The following DNER variants were observed in gnomAD, a reference collection of about 807,000 sequenced individuals.
DNER encodes delta/notch like EGF repeat containing, also known as delta and Notch-like epidermal growth factor-related receptor.
In DNER, 33 loss-of-function variants were observed where a neutral mutation model predicts 78.2. The ratio of observed to expected loss-of-function variants is 0.42; its 90% CI spans 0.32 to 0.56. The LOEUF (loss-of-function observed/expected upper bound fraction) is 0.56. Among genes scored for constraint, DNER ranks in the 20% least tolerant of loss-of-function variants. The pLI is 0.11. For synonymous variants in DNER, 417 were observed against 384.8 expected (o/e 1.08, Z -0.98); for missense variants, 918 against 975.3 (o/e 0.94, Z 0.78).
intron 5 of DNER, among the ~76,000 whole-genome samples, chr2:229,516,795 AAAAAAAAAAG>A (rs1466480650): frequency 3.9e-4 from 57 of 147,828 alleles, no homozygotes; most frequent in African/African-American, 1.3e-3. Context: ...TAAAAAAAAA[AAAAAAAAAAG>A]AAAAGAAAAG....
At chr2:229,575,062 C>A (rs1042105045) in intron 4 of DNER, among the ~76,000 whole-genome samples, 1 of 152,026 alleles carries the variant, frequency 6.6e-6, no homozygotes, top group Non-Finnish European at 1.5e-5. Flanking sequence ...TAAAGTATTT[C>A]TTTCTAGAAT....
intron 1 of DNER, among the ~76,000 whole-genome samples, chr2:229,652,921 G>A (rs1024140407): frequency 3.9e-5 from 6 of 152,140 alleles, no homozygotes; most frequent in Non-Finnish European, 5.9e-5. Flanking sequence ...CGGCGGCATG[G>A]GTAGTATGTT....
rs776747214 is a variant in DNER, at chr2:229,714,264, G to T, written c.160C>A (p.Arg54=). 3 of 1,400,866 alleles carry T rather than the reference G, an allele frequency of 2.1e-6. No homozygotes were observed. Among genetic ancestry groups the T allele is most frequent in the Non-Finnish European group, 2.8e-6 (3 of 1,078,646 alleles). 86.8% of individuals were successfully genotyped at this position (1,400,866 alleles called of 1,614,324 possible). ...APGPCAAQPC[R]NGGVCTSRPE... Reference sequence around the variant, plus strand: ...CGCGAGGTGCACACACCCCCATTCCGGCAGGGCTGCGCGGCGCACGGCCCG... The same window carrying T: ...CGCGAGGTGCACACACCCCCATTCCTGCAGGGCTGCGCGGCGCACGGCCCG... The change falls in exon 1 of 13, where the codon CGG becomes AGG. Residue 54 remains arginine, a synonymous_variant. Coordinates refer to ENST00000341772, the MANE Select transcript of DNER (RefSeq NM_139072.4).
chr2:229,636,213 C>T (rs1363187667), intron 1 of DNER, among the ~76,000 whole-genome samples: 1 of 152,196 alleles, frequency 6.6e-6, no homozygotes, highest in East Asian at 1.9e-4. Context: ...CAACAAACTC[C>T]TGAGCTGCCC....
intron 1 of DNER, among the ~76,000 whole-genome samples, chr2:229,653,585 A>AT (rs11365732): frequency 6.6e-6 from 1 of 151,744 alleles, no homozygotes; most frequent in East Asian, 1.9e-4. Context: ...CCCAACACCA[A>AT]TTTTTTTTTC....
At chr2:229,622,627 G>A (rs1326252502) in intron 1 of DNER, among the ~76,000 whole-genome samples, 1 of 152,178 alleles carries the variant, frequency 6.6e-6, no homozygotes, top group African/African-American at 2.4e-5. Flanking sequence ...ACCTCAGAAT[G>A]TGGATTTTTT....
intron 11 of DNER, among the ~76,000 whole-genome samples, chr2:229,381,182 C>T (rs1692726904): frequency 6.6e-6 from 1 of 152,022 alleles, no homozygotes; most frequent in African/African-American, 2.4e-5. Flanking sequence ...CAAGAAACTC[C>T]CTCCCCTAGC....
intron 1 of DNER, among the ~76,000 whole-genome samples, chr2:229,645,027 A>AT (rs397967228): frequency 2.0e-5 from 3 of 151,892 alleles, no homozygotes; most frequent in African/African-American, 7.3e-5. Flanking sequence ...AAAAAAAAAA[A>AT]TTTAAGAGAC....
At chr2:229,542,469 C>T (rs1696534850) in intron 5 of DNER, among the ~76,000 whole-genome samples, 1 of 152,020 alleles carries the variant, frequency 6.6e-6, no homozygotes, top group Non-Finnish European at 1.5e-5. Flanking sequence ...GAAATGAGTT[C>T]CATTACCAAA....
intron 8 of DNER, among the ~76,000 whole-genome samples, chr2:229,436,941 A>G (rs915306916): frequency 6.6e-6 from 1 of 152,254 alleles, no homozygotes; most frequent in African/African-American, 2.4e-5. Flanking sequence ...ACATCCACAC[A>G]TATCAATACT....
intron 6 of DNER, among the ~76,000 whole-genome samples, chr2:229,512,038 A>G (rs1371915351): frequency 1.3e-5 from 2 of 152,230 alleles, no homozygotes; most frequent in Non-Finnish European, 2.9e-5. Flanking sequence ...CAACGAGTGG[A>G]TAAAGAAACT....
intron 1 of DNER, among the ~76,000 whole-genome samples, chr2:229,619,224 A>C (rs1698214805): frequency 6.6e-6 from 1 of 152,154 alleles, no homozygotes; most frequent in Non-Finnish European, 1.5e-5. Context: ...CACTGAACAA[A>C]GCTAAAATAT....
At chr2:229,553,874 G>C (rs1696796251) in intron 4 of DNER, among the ~76,000 whole-genome samples, 1 of 152,114 alleles carries the variant, frequency 6.6e-6, no homozygotes. Context: ...GATTCTCCTT[G>C]GGACAGAGGA....
intron 5 of DNER, among the ~76,000 whole-genome samples, chr2:229,520,149 A>G (rs942840252): frequency 6.6e-6 from 1 of 152,190 alleles, no homozygotes; most frequent in Admixed American, 6.5e-5. Context: ...AAATAAACTG[A>G]CATCATAATA....
chr2:229,437,852 T>C lies in DNER; in HGVS notation c.1486+9464A>G, dbSNP rs145103828. On this transcript the variant is annotated intron_variant, in intron 8 of 12. Transcript: ENST00000341772. ...CAAAGGAATCCATGACATATAATCA[T>C]CAATGCAGGAGGTTTTCAGGGAATC... Among the ~76,000 whole-genome samples, 688 of 152,256 alleles carry C rather than the reference T, an allele frequency of 4.5e-3. 6 individuals carry two copies. Among genetic ancestry groups the C allele is most frequent in the Admixed American group, 0.01 (153 of 15,294 alleles).
intron 8 of DNER, among the ~76,000 whole-genome samples, chr2:229,427,792 C>T (rs1046562945): frequency 6.6e-6 from 1 of 152,110 alleles, no homozygotes; most frequent in Non-Finnish European, 1.5e-5. Flanking sequence ...AATAAGAACA[C>T]TGGGCTGGGC....
At chr2:229,607,059 C>T (rs1697954670) in intron 1 of DNER, among the ~76,000 whole-genome samples, 1 of 152,264 alleles carries the variant, frequency 6.6e-6, no homozygotes, top group East Asian at 1.9e-4. Context: ...ACAAACCATA[C>T]AAGGAAATAA....
At chr2:229,627,909 C>T (rs536795070) in intron 1 of DNER, among the ~76,000 whole-genome samples, 62 of 151,998 alleles carry the variant, frequency 4.1e-4, no homozygotes, top group African/African-American at 1.4e-3. Context: ...TCCAACATGG[C>T]GCAACAATGG....
intron 7 of DNER, among the ~76,000 whole-genome samples, chr2:229,472,424 T>G (rs1426737927): frequency 6.6e-6 from 1 of 152,290 alleles, no homozygotes; most frequent in East Asian, 1.9e-4. Context: ...TTTTATTCTT[T>G]ATTAATTTAT....
Sources: allele counts gnomAD v4.1 joint callset (sites outside exome capture counted in the v4.1 genomes callset), GRCh38; gene constraint gnomAD v4.1.1; transcripts MANE v1.5; gene names NCBI Gene and HGNC (gene_info 2026-07-23, HGNC 2026-07-21).